Variants in LAMA4 observed in about 807,000 individuals in gnomAD.
The protein encoded by LAMA4 is laminin subunit alpha 4.
Under a neutral mutation model 207.1 loss-of-function variants are expected in LAMA4, and 127 were observed. That is an observed-to-expected ratio of 0.61 (90% CI 0.53 to 0.71). LAMA4 has a LOEUF of 0.71. Ranked by LOEUF, LAMA4 falls within the 30% of genes least tolerant of loss-of-function variation. LAMA4 has a pLI of 0.00. For missense variants in LAMA4, 2,093 were observed against 2,246.5 expected (o/e 0.93, Z 1.38); for synonymous variants, 761 against 816.0 (o/e 0.93, Z 1.15).
intron 3 of LAMA4, among the ~76,000 whole-genome samples, chr6:112,215,743 C>G (rs1229202254): frequency 6.6e-6 from 1 of 152,126 alleles, no homozygotes; most frequent in Non-Finnish European, 1.5e-5. Flanking sequence ...TGCTGGAAGA[C>G]TTCTCAATCT....
At chr6:112,193,756 A>G (rs1783254090) in intron 5 of LAMA4, among the ~76,000 whole-genome samples, 1 of 152,296 alleles carries the variant, frequency 6.6e-6, no homozygotes, top group East Asian at 1.9e-4. Flanking sequence ...GTCACAGTGC[A>G]AGGTCCAAAC....
intron 2 of LAMA4, among the ~76,000 whole-genome samples, chr6:112,227,314 C>A (rs1352501773): frequency 6.6e-6 from 1 of 152,036 alleles, no homozygotes; most frequent in Non-Finnish European, 1.5e-5. Context: ...CGTGATCCAC[C>A]CGCCTCGGCC....
chr6:112,126,484 G>C (rs1778696908), intron 31 of LAMA4, among the ~76,000 whole-genome samples: 1 of 152,180 alleles, frequency 6.6e-6, no homozygotes, highest in Admixed American at 6.5e-5. Context: ...CTCAGGAAGA[G>C]ATCCTAAGAA....
At chr6:112,157,035 A>T (rs1780759724) in intron 14 of LAMA4, among the ~76,000 whole-genome samples, 1 of 152,138 alleles carries the variant, frequency 6.6e-6, no homozygotes, top group Non-Finnish European at 1.5e-5. Flanking sequence ...TGGAGAAAGG[A>T]ACCCACCAAG....
intron 11 of LAMA4, among the ~76,000 whole-genome samples, chr6:112,173,559 T>C (rs1554342655): frequency 6.6e-6 from 1 of 152,196 alleles, no homozygotes. Flanking sequence ...GGAAGTCTTG[T>C]TAAATTCCAC....
At chr6:112,208,514 C>T (rs1784193442) in intron 3 of LAMA4, among the ~76,000 whole-genome samples, 1 of 152,104 alleles carries the variant, frequency 6.6e-6, no homozygotes, top group Admixed American at 6.6e-5. Flanking sequence ...AAGCAAATTG[C>T]CCGAGGTCAC....
At chr6:112,159,184 A>G (rs1780904557) in intron 13 of LAMA4, among the ~76,000 whole-genome samples, 1 of 152,202 alleles carries the variant, frequency 6.6e-6, no homozygotes, top group East Asian at 1.9e-4. Flanking sequence ...ATGTTACTAC[A>G]ATACTTTTCT....
chr6:112,248,995 G>A (rs1554189186), intron 2 of LAMA4, among the ~76,000 whole-genome samples: 1 of 152,210 alleles, frequency 6.6e-6, no homozygotes, highest in Non-Finnish European at 1.5e-5. Context: ...AAGTCAACAA[G>A]TATTAGTTTT....
chr6:112,139,799 A>G lies in LAMA4; in HGVS notation c.3063T>C (p.Phe1021=). ...LNNDVISLYN[F]KHIYNMDPST... ...AGGGGTCCATATTATAGATGTGCTT[A>G]AAGTTGTACAAGCTGATCACATCAT... The change falls in exon 23 of 39, where the codon TTT becomes TTC. Residue 1021 remains phenylalanine, a synonymous_variant. Transcript: ENST00000230538. 1.2e-6 allele frequency: 2 copies of G among 1,614,076 alleles called. No individual in the cohort carries two copies. Among genetic ancestry groups the G allele is most frequent in the Non-Finnish European group, 1.7e-6 (2 of 1,179,926 alleles).
In LAMA4 at chr6:112,133,359, T is replaced by G; in HGVS notation, c.3686A>C (p.Glu1229Ala). Residue 1229 changes from glutamate (E) to alanine (A), a missense_variant, in exon 27 of 39, where the codon GAA (glutamate) becomes GCA (alanine). Glu to Ala is a moderately radical substitution (Grantham distance 107, BLOSUM62 -1). Coordinates refer to ENST00000230538, the MANE Select transcript of LAMA4 (RefSeq NM_001105206.3). ...CTGAGTGGTTCTTACAAGTGAGTCT[T>G]CTGGGCATCCATAACCAACTCCCAG... is the stretch of plus-strand genomic sequence containing the variant. ...ETLGVGYGCP[E>A]DSLISRRAYF... The G allele has an allele frequency of 6.2e-7, 1 of 1,613,760 alleles. No individual in the cohort carries two copies. The highest frequency in any genetic ancestry group is 8.5e-7 in the Non-Finnish European group (1 of 1,179,704).
At chr6:112,227,041 T>TTTTATTTATTTA (rs10610325) in intron 2 of LAMA4, among the ~76,000 whole-genome samples, 1,636 of 141,682 alleles carry the variant, frequency 0.012, 16 homozygotes, top group East Asian at 0.021. Flanking sequence ...GCTTCGACTA[T>TTTTATTTATTTA]TTTATTTATT....
In LAMA4 at chr6:112,115,648, G is replaced by C. The variant is rs116840106; in HGVS notation, c.5112+215C>G. 5.2e-3 allele frequency among the ~76,000 whole-genome samples: 787 copies of C among 152,104 alleles called. 13 individuals carry two copies. The highest frequency in any genetic ancestry group is 0.043 in the East Asian group (224 of 5,178). ...TATTAGTGATTTTTTTGATAGTTTT[G>C]CCATATTTTTATGACTCTTTGTTTT... On this transcript the variant is annotated intron_variant, in intron 36 of 38. Transcript: ENST00000230538.
chr6:112,116,733 T>C (rs1778041250), intron 35 of LAMA4, among the ~76,000 whole-genome samples: 1 of 152,182 alleles, frequency 6.6e-6, no homozygotes, highest in African/African-American at 2.4e-5. Context: ...CTATAAATCA[T>C]TTAAAATTTT....
chr6:112,115,719 C>T, intron 36 of LAMA4, 144 bp downstream of exon 36: 1 of 900,292 alleles, frequency 1.1e-6, no homozygotes, highest in Non-Finnish European at 1.8e-6. Flanking sequence ...AAATATTGCC[C>T]ACATTTACAT....
Position 112,189,116 on chromosome 6 carries a change from T to A in LAMA4, c.808A>T (p.Thr270Ser). The A allele has an allele frequency of 6.2e-7, 1 of 1,609,390 alleles. No homozygotes were observed. Among genetic ancestry groups the A allele is most frequent in the Non-Finnish European group, 8.5e-7 (1 of 1,175,734 alleles). The change falls in exon 7 of 39, where the codon ACC (threonine) becomes TCC (serine). Residue 270 changes from threonine (T) to serine (S), a missense_variant. Physicochemically the swap from Thr to Ser is moderately conservative, Grantham distance 58. Transcript: ENST00000230538. The part of the protein sequence containing the change: ...FEPPTGMDCP[T>S]ISCDKCVWDL... ...CATGTACTGTTATTTTTACTTATGG[T>A]TGGGCAGTCCATGCCTGTAGGGGGT...
intron 15 of LAMA4, 28 bp downstream of exon 15, chr6:112,155,537 G>T (rs1554336701): frequency 6.2e-7 from 1 of 1,613,500 alleles, no homozygotes. Flanking sequence ...GAAAGGCAAG[G>T]TATAAAGAAC....
intron 2 of LAMA4, among the ~76,000 whole-genome samples, chr6:112,233,204 C>T (rs920478403): frequency 6.6e-6 from 1 of 152,152 alleles, no homozygotes; most frequent in Non-Finnish European, 1.5e-5. Context: ...ACAACAGAAT[C>T]GTATCAGAGC....
In LAMA4 at chr6:112,134,941, T is replaced by C. The variant is rs552695934; in HGVS notation, c.3415-332A>G. 0.015 allele frequency among the ~76,000 whole-genome samples: 2,348 copies of C among 152,188 alleles called. 71 individuals carry two copies. The highest frequency in any genetic ancestry group is 0.054 in the African/African-American group (2,255 of 41,518). ...ATAAACAGGTGCCACCATTCTCTTT[T>C]TTTTTAAAAAAACAACTTTATTCAA... On this transcript the variant is annotated intron_variant, in intron 25 of 38. Coordinates refer to ENST00000230538, the MANE Select transcript of LAMA4 (RefSeq NM_001105206.3).
chr6:112,135,381 T>G (rs1427834761), intron 25 of LAMA4, among the ~76,000 whole-genome samples: 2 of 152,176 alleles, frequency 1.3e-5, no homozygotes, highest in Admixed American at 1.3e-4. Flanking sequence ...GGTGACACAG[T>G]GAGCAGTTCT....
Sources: allele counts gnomAD v4.1 joint callset (sites outside exome capture counted in the v4.1 genomes callset), GRCh38; gene constraint gnomAD v4.1.1; transcripts MANE v1.5; gene names NCBI Gene and HGNC (gene_info 2026-07-23, HGNC 2026-07-21).